The following RGS16 variants were observed in gnomAD, a reference collection of about 807,000 sequenced individuals.
RGS16 encodes the protein regulator of G protein signaling 16.
RGS16 carries 12 observed loss-of-function variants against 18.1 expected under a neutral mutation model. The ratio of observed to expected loss-of-function variants is 0.66; its 90% CI spans 0.42 to 1.07. The LOEUF (loss-of-function observed/expected upper bound fraction) is 1.07, where lower values mean the gene tolerates loss of function less well. Ranked by LOEUF, RGS16 falls within the 50% of genes least tolerant of loss-of-function variation. The probability of loss-of-function intolerance (pLI) is 0.00; values close to 1 mark genes in which losing one functional copy is unlikely to be tolerated. For synonymous variants in RGS16, 88 were observed against 102.0 expected (o/e 0.86, Z 0.83); for missense variants, 238 against 249.2 (o/e 0.95, Z 0.30).
At chr1:182,600,914 C>T (rs149345565) in intron 4 of RGS16, among the ~76,000 whole-genome samples, 1 of 152,314 alleles carries the variant, frequency 6.6e-6, no homozygotes, top group Non-Finnish European at 1.5e-5. Flanking sequence ...AAACCCAACT[C>T]AGTTTGGTAG....
chr1:182,600,539 G>T, intron 4 of RGS16, 26 bp from the exon 5 acceptor site: 4 of 1,602,316 alleles, frequency 2.5e-6, no homozygotes, highest in Non-Finnish European at 3.4e-6. Flanking sequence ...CACACACAGG[G>T]TGAGTTGGGG....
intron 3 of RGS16, 133 bp downstream of exon 3, chr1:182,602,287 A>T (rs41268516): frequency 2.2e-4 from 235 of 1,077,736 alleles, no homozygotes; most frequent in Non-Finnish European, 3.1e-4. Context: ...AGGCTGGCAC[A>T]CTAGGGGATC....
chr1:182,601,383 T>C (rs191769399), intron 4 of RGS16, among the ~76,000 whole-genome samples: 4 of 152,342 alleles, frequency 2.6e-5, no homozygotes, highest in Admixed American at 2.6e-4. Flanking sequence ...ACATACACAG[T>C]GACTGTAACA....
chr1:182,603,372 T>A, intron 1 of RGS16, 33 bp from the exon 2 acceptor site: 1 of 1,563,266 alleles, frequency 6.4e-7, no homozygotes. Flanking sequence ...GAAAGCATTC[T>A]CTCATTTGCT....
Position 182,603,348 on chromosome 1 carries a change from CA to C in RGS16, c.45-10del, listed in dbSNP as rs1661899075. On this transcript the variant is annotated splice_polypyrimidine_tract_variant and intron_variant, in intron 1 of 4. Transcript: ENST00000367558. ...TCTTGAACTCTTTGGCTCTGAAAAACAAATCAGGAACATGAAAGCATTCTCT... is the reference window on the plus strand; with the variant it reads ...TCTTGAACTCTTTGGCTCTGAAAAACAATCAGGAACATGAAAGCATTCTCT... 1 of 1,605,722 alleles carries C rather than the reference CA, an allele frequency of 6.2e-7. No homozygotes were observed. Among genetic ancestry groups the C allele is most frequent in the Non-Finnish European group, 8.5e-7 (1 of 1,172,356 alleles).
At position 182,600,056 on chromosome 1, in the gene RGS16, C is replaced by A; in HGVS notation, c.*236G>T. 3.5e-6 allele frequency: 2 copies of A among 566,090 alleles called. No individual in the cohort carries two copies. The highest frequency in any genetic ancestry group is 4.2e-5 in the South Asian group (2 of 47,408). 35.1% of individuals were successfully genotyped at this position (566,090 alleles called of 1,614,324 possible). On this transcript the variant is annotated 3_prime_UTR_variant, in exon 5 of 5. Coordinates refer to ENST00000367558, the MANE Select transcript of RGS16 (RefSeq NM_002928.4). ...AGCCCCACCAACCCTCATCATTAGCCCTTATTCACAGGTCCTGGAAGTGGG... is the reference window on the plus strand; with the variant it reads ...AGCCCCACCAACCCTCATCATTAGCACTTATTCACAGGTCCTGGAAGTGGG...
Position 182,602,033 on chromosome 1 carries a change from G to A in RGS16, c.320C>T (p.Ala107Val), listed in dbSNP as rs939849572. ...ACEEFKKIRS[A>V]TKLASRAHQI... ...GTGTGCCCTGGAGGCCAGCTTGGTA[G>A]CTGATCGGATCTTCTTGAACTCCTC... Residue 107 changes from alanine to valine, a missense_variant, in exon 4 of 5, where the codon GCT becomes GTT. Physicochemically the swap from Ala to Val is moderately conservative, Grantham distance 64 (BLOSUM62 0). Transcript: ENST00000367558. 5 of 1,614,044 alleles carry A rather than the reference G, an allele frequency of 3.1e-6. No homozygotes were observed. The African/African-American group carries it at 6.7e-5, about 22-fold the overall frequency.
intron 1 of RGS16, among the ~76,000 whole-genome samples, chr1:182,603,694 T>A (rs1661903729): frequency 6.6e-6 from 1 of 152,140 alleles, no homozygotes; most frequent in South Asian, 2.1e-4. Context: ...TGTGGGAAAC[T>A]GATTCCTGCC....
Position 182,599,822 on chromosome 1 carries a change from G to C in RGS16, c.*470C>G, listed in dbSNP as rs115098700. The C allele has an allele frequency of 5.9e-6, 1 of 169,858 alleles. No homozygotes were observed. The highest frequency in any genetic ancestry group is 1.3e-5 in the Non-Finnish European group (1 of 77,800). 10.5% of individuals were successfully genotyped at this position (169,858 alleles called of 1,614,324 possible). A position where few individuals can be genotyped will look rare whatever the true frequency, so the allele number is the denominator to read the frequency against. On this transcript the variant is annotated 3_prime_UTR_variant, in exon 5 of 5. Coordinates refer to ENST00000367558, the MANE Select transcript of RGS16 (RefSeq NM_002928.4). ...AGACTCCACATCCAGGGTCCCTTCC[G>C]TGCCCAGAACAGTCTGGGAATTAGG...
chr1:182,601,213 C>G (rs1478767463), intron 4 of RGS16, among the ~76,000 whole-genome samples: 1 of 152,228 alleles, frequency 6.6e-6, no homozygotes, highest in African/African-American at 2.4e-5. Flanking sequence ...TACGTCTTCC[C>G]AGGCCCTACC....
chr1:182,602,271 G>A, intron 3 of RGS16, 139 bp from the exon 4 acceptor site: 2 of 1,116,260 alleles, frequency 1.8e-6, no homozygotes, highest in Non-Finnish European at 2.7e-6. Flanking sequence ...TTTATATGTT[G>A]AATAGAGGCT....
Position 182,604,223 on chromosome 1 carries a change from G to T in RGS16, c.37C>A (p.Leu13Met), listed in dbSNP as rs752457546. 6.4e-7 allele frequency: 1 copy of T among 1,551,946 alleles called. No homozygotes were observed. The highest frequency in any genetic ancestry group is 2.4e-5 in the East Asian group (1 of 40,984). The change falls in exon 1 of 5, where the codon CTG (leucine) becomes ATG (methionine). Residue 13 changes from leucine (L) to methionine (M), a missense_variant. Coordinates refer to ENST00000367558, the MANE Select transcript of RGS16 (RefSeq NM_002928.4). ...TGGACAACCTCCCCTTACCTCTCCA[G>T]GCAGGTGGTGGGGAAGGCGGCCAGG... ...RTLAAFPTTC[L>M]ERAKEFKTRL... is the part of the protein sequence containing the mutation.
At chr1:182,601,816 A>G (rs1239350100) in intron 4 of RGS16, 150 bp downstream of exon 4, 21 of 903,036 alleles carry the variant, frequency 2.3e-5, no homozygotes, top group Non-Finnish European at 3.7e-5. Context: ...TGGCTTTCCT[A>G]GTCTCTGGTC....
In RGS16 at chr1:182,600,245, G is replaced by T; in HGVS notation, c.*47C>A. The T allele has an allele frequency of 6.4e-7, 1 of 1,560,638 alleles. No homozygotes were observed. Among genetic ancestry groups the T allele is most frequent in the Admixed American group, 1.7e-5 (1 of 59,536 alleles). ...ACAGGGGCAGCCACCTCGGGGATGG[G>T]TGACTCAACCTCTCTTCCCGGCTGG... On this transcript the variant is annotated 3_prime_UTR_variant, in exon 5 of 5. Transcript: ENST00000367558.
Position 182,599,495 on chromosome 1 carries a change from C to T in RGS16, c.*797G>A, listed in dbSNP as rs980723249. 1.3e-5 allele frequency: 2 copies of T among 152,574 alleles called. No individual in the cohort carries two copies. Among genetic ancestry groups the T allele is most frequent in the Non-Finnish European group, 2.9e-5 (2 of 68,100 alleles). 9.5% of individuals were successfully genotyped at this position (152,574 alleles called of 1,614,324 possible). On this transcript the variant is annotated 3_prime_UTR_variant, in exon 5 of 5. Transcript: ENST00000367558. ...CAGAGAGGGCACATCCAGGAAGAGG[C>T]CCCAGGGCGGGCCTGCTCACAGGTG... is the stretch of plus-strand genomic sequence containing the variant.
At chr1:182,603,413 G>C in intron 1 of RGS16, 74 bp from the exon 2 acceptor site, 1 of 1,265,732 alleles carries the variant, frequency 7.9e-7, no homozygotes. Context: ...ATGGGTCCCA[G>C]AAGAGCTCTG....
In RGS16 at chr1:182,601,966, C is replaced by A; in HGVS notation, c.387G>T (p.Glu129Asp). The change falls in exon 4 of 5, where the codon GAG becomes GAT. Residue 129 changes from glutamate (E) to aspartate (D), a missense_variant and splice_region_variant. Coordinates refer to ENST00000367558, the MANE Select transcript of RGS16 (RefSeq NM_002928.4). ...EEFICSEAPK[E>D]VNIDHETHEL... ...TCACTGGGCATATGGGGGCTCTAACCTCTTTAGGGGCCTCACTGCAAATGA... is the reference window on the plus strand; with the variant it reads ...TCACTGGGCATATGGGGGCTCTAACATCTTTAGGGGCCTCACTGCAAATGA... 6.2e-7 allele frequency: 1 copy of A among 1,614,146 alleles called. No individual in the cohort carries two copies. Among genetic ancestry groups the A allele is most frequent in the Non-Finnish European group, 8.5e-7 (1 of 1,180,010 alleles).
At chr1:182,603,371 C>A in intron 1 of RGS16, 32 bp from the exon 2 acceptor site, 1 of 1,561,794 alleles carries the variant, frequency 6.4e-7, no homozygotes. Flanking sequence ...TGAAAGCATT[C>A]TCTCATTTGC....
intron 4 of RGS16, 24 bp from the exon 5 acceptor site, chr1:182,600,537 G>C (rs1661846379): frequency 6.2e-7 from 1 of 1,603,914 alleles, no homozygotes; most frequent in Admixed American, 1.7e-5. Flanking sequence ...GACACACACA[G>C]GGTGAGTTGG....
Sources: gnomAD v4.1 joint callset for allele counts (sites outside exome capture counted in the v4.1 genomes callset) on GRCh38, gnomAD v4.1.1 for gene constraint, MANE v1.5 for transcripts, NCBI Gene and HGNC (gene_info 2026-07-23, HGNC 2026-07-21) for gene names.